Variants in JARID2 observed in about 807,000 individuals in gnomAD.
JARID2 encodes the protein jumonji and AT-rich interaction domain containing 2.
In JARID2, 21 loss-of-function variants were observed where a neutral mutation model predicts 125.6. The observed-to-expected ratio is 0.17, with a 90% CI of 0.12 to 0.24. JARID2 has a LOEUF of 0.24. Ranked by LOEUF, JARID2 falls within the 10% of genes least tolerant of loss-of-function variation. The pLI, the probability that JARID2 is intolerant of heterozygous loss-of-function variation, is 1.00. For synonymous variants in JARID2, 736 were observed against 661.6 expected (o/e 1.11, Z -1.73); for missense variants, 1,303 against 1,639.6 (o/e 0.79, Z 3.55).
At position 15,431,204 on chromosome 6, in the gene JARID2, G is replaced by C. The variant is rs141655934; in HGVS notation, c.324-20802G>C. Among the ~76,000 whole-genome samples, 490 of 152,280 alleles carry C rather than the reference G, an allele frequency of 3.2e-3. 4 individuals carry two copies. The highest frequency in any genetic ancestry group is 0.012 in the African/African-American group (478 of 41,540). On this transcript the variant is annotated intron_variant, in intron 3 of 17. Transcript: ENST00000341776. ...TAATTGAACTGTGCTGGGATAAATA[G>C]AGCCCTTACAGATCATGTGAATGTG...
intron 3 of JARID2, among the ~76,000 whole-genome samples, chr6:15,431,041 G>A (rs1465899924): frequency 6.6e-6 from 1 of 152,084 alleles, no homozygotes; most frequent in Non-Finnish European, 1.5e-5. Context: ...TTGTTGTTCC[G>A]GCAAATACCA....
chr6:15,282,749 G>A (rs1760805180), intron 1 of JARID2, among the ~76,000 whole-genome samples: 1 of 151,606 alleles, frequency 6.6e-6, no homozygotes. Flanking sequence ...TTACAGGCAT[G>A]CGCCACCATG....
At chr6:15,328,347 A>T (rs1762599867) in intron 1 of JARID2, among the ~76,000 whole-genome samples, 1 of 152,236 alleles carries the variant, frequency 6.6e-6, no homozygotes. Context: ...GCAGGATGAT[A>T]TGCTTTACAT....
intron 9 of JARID2, among the ~76,000 whole-genome samples, chr6:15,506,301 C>T (rs1771003109): frequency 2.0e-5 from 3 of 152,190 alleles, no homozygotes; most frequent in Non-Finnish European, 2.9e-5. Flanking sequence ...CTTGGGCACT[C>T]AGGGAGTCTG....
intron 2 of JARID2, among the ~76,000 whole-genome samples, chr6:15,404,104 C>A (rs1230573914): frequency 1.3e-5 from 2 of 152,192 alleles, no homozygotes; most frequent in Non-Finnish European, 2.9e-5. Context: ...CCACCGACAT[C>A]CTGCCTCATG....
intron 1 of JARID2, among the ~76,000 whole-genome samples, chr6:15,289,551 T>TA (rs371096822): frequency 0.07 from 10,121 of 144,660 alleles, 364 homozygotes; most frequent in East Asian, 0.1. Context: ...CTTTAAATTG[T>TA]AAAAAAAAAA....
At chr6:15,351,572 T>G (rs1282798243) in intron 1 of JARID2, among the ~76,000 whole-genome samples, 1 of 152,182 alleles carries the variant, frequency 6.6e-6, no homozygotes, top group Non-Finnish European at 1.5e-5. Flanking sequence ...GTGTAGCGTC[T>G]GATGCTAGGA....
At chr6:15,262,848 A>G (rs1249946673) in intron 1 of JARID2, among the ~76,000 whole-genome samples, 1 of 152,130 alleles carries the variant, frequency 6.6e-6, no homozygotes, top group Non-Finnish European at 1.5e-5. Context: ...ATTTTGAACA[A>G]TGCTGCGGTG....
intron 1 of JARID2, among the ~76,000 whole-genome samples, chr6:15,372,720 T>A (rs7749128): frequency 0.47 from 71,890 of 151,378 alleles, 17,631 homozygotes; most frequent in South Asian, 0.61. Flanking sequence ...TTATTTATTT[T>A]TTTTTTTGAG....
At chr6:15,398,426 C>T (rs145991509) in intron 2 of JARID2, among the ~76,000 whole-genome samples, 1 of 152,188 alleles carries the variant, frequency 6.6e-6, no homozygotes, top group Non-Finnish European at 1.5e-5. Context: ...GTTGTTATTC[C>T]TAAATTGAAT....
intron 2 of JARID2, among the ~76,000 whole-genome samples, chr6:15,380,879 G>C (rs1263638007): frequency 6.6e-6 from 1 of 152,014 alleles, no homozygotes; most frequent in African/African-American, 2.4e-5. Context: ...ATTTACGTAA[G>C]TTTATTTGTG....
At chr6:15,367,940 G>A (rs1025103801) in intron 1 of JARID2, among the ~76,000 whole-genome samples, 2 of 152,076 alleles carry the variant, frequency 1.3e-5, no homozygotes, top group African/African-American at 2.4e-5. Flanking sequence ...TTGCACTAAT[G>A]TACTTGAGTC....
At chr6:15,427,093 T>G (rs1766761015) in intron 3 of JARID2, among the ~76,000 whole-genome samples, 1 of 152,184 alleles carries the variant, frequency 6.6e-6, no homozygotes, top group Admixed American at 6.5e-5. Flanking sequence ...AACCTGGGTC[T>G]TCTTTCTTTA....
chr6:15,492,391 T>C (rs1770194797), intron 6 of JARID2, among the ~76,000 whole-genome samples: 1 of 152,236 alleles, frequency 6.6e-6, no homozygotes. Flanking sequence ...GCGGTGGCCT[T>C]CCTTGTAGTG....
rs186738540 is a variant in JARID2, at chr6:15,512,870, C to T, written c.3136-45C>T. 172 of 1,593,534 alleles carry T rather than the reference C, an allele frequency of 1.1e-4. No homozygotes were observed. The East Asian group carries it at 3.4e-3, about 32-fold the overall frequency. ...CACCAAGAAGAACCTTGACAGCTGC[C>T]TAGTAATGAAAATCCACCCTAAAGG... is the stretch of plus-strand genomic sequence containing the variant. On this transcript the variant is annotated intron_variant, in intron 14 of 17. Transcript: ENST00000341776.
At chr6:15,329,309 T>C (rs1762630801) in intron 1 of JARID2, among the ~76,000 whole-genome samples, 1 of 151,974 alleles carries the variant, frequency 6.6e-6, no homozygotes. Flanking sequence ...AATCCTGCAA[T>C]GAGTGAGTTG....
intron 1 of JARID2, among the ~76,000 whole-genome samples, chr6:15,257,036 T>C (rs1366602232): frequency 6.6e-6 from 1 of 152,174 alleles, no homozygotes; most frequent in Non-Finnish European, 1.5e-5. Flanking sequence ...TTTCTAGTAC[T>C]GTTGTAAAGT....
chr6:15,388,440 C>T (rs753519584), intron 2 of JARID2, among the ~76,000 whole-genome samples: 1 of 151,992 alleles, frequency 6.6e-6, no homozygotes, highest in Non-Finnish European at 1.5e-5. Flanking sequence ...TTAGCTTCCT[C>T]TATAGGCTTT....
intron 9 of JARID2, among the ~76,000 whole-genome samples, chr6:15,506,851 TC>T (rs1363055660): frequency 1.3e-5 from 2 of 152,216 alleles, no homozygotes; most frequent in African/African-American, 4.8e-5. Flanking sequence ...ATTTTGTTCA[TC>T]CATCTGTGGA....
Sources: gnomAD v4.1 joint callset for allele counts (sites outside exome capture counted in the v4.1 genomes callset) on GRCh38, gnomAD v4.1.1 for gene constraint, MANE v1.5 for transcripts, NCBI Gene and HGNC (gene_info 2026-07-23, HGNC 2026-07-21) for gene names.